The following SLC71A1 variants were observed in gnomAD, a reference collection of about 807,000 sequenced individuals.
SLC71A1 encodes hippocampus abundant gene transcript 1.
At chr1:100,038,195 G>A in the SLC71A1 span, 1 of 1,524,556 alleles carries the variant, frequency 6.6e-7, no homozygotes, top group Non-Finnish European at 8.9e-7. Flanking sequence ...GCCGCCCCGG[G>A]AGTGGCTGCA....
At chr1:100,045,488 C>A in the SLC71A1 span, among the ~76,000 whole-genome samples, 2 of 151,960 alleles carry the variant, frequency 1.3e-5, no homozygotes, top group Non-Finnish European at 2.9e-5. Flanking sequence ...GCTCGTTATT[C>A]CTTTCTCTTG....
chr1:100,082,340 C>A, the SLC71A1 span: 1 of 693,824 alleles, frequency 1.4e-6, no homozygotes, highest in Non-Finnish European at 2.4e-6. Context: ...GCATGAACTC[C>A]GTGGGAACTA....
the SLC71A1 span, among the ~76,000 whole-genome samples, chr1:100,075,934 C>A: frequency 2.4e-4 from 37 of 152,232 alleles, 1 homozygote; most frequent in South Asian, 4.1e-4. Flanking sequence ...CATCTCAGTT[C>A]CCCAAAGTGC....
the SLC71A1 span, chr1:100,067,961 C>T: frequency 6.2e-7 from 1 of 1,608,552 alleles, no homozygotes; most frequent in Non-Finnish European, 8.5e-7. Flanking sequence ...CTCTGTCTAT[C>T]CTTAATTTAT....
chr1:100,050,044 T>C, the SLC71A1 span: 1 of 1,043,056 alleles, frequency 9.6e-7, no homozygotes, highest in Non-Finnish European at 1.5e-6. Flanking sequence ...GACTCCAAAA[T>C]CTCTTCTTCT....
the SLC71A1 span, chr1:100,058,637 T>A: frequency 1.7e-6 from 2 of 1,189,082 alleles, no homozygotes; most frequent in Admixed American, 3.6e-5. Context: ...ATATAGCATG[T>A]GATTTTTATT....
chr1:100,043,830 A>C, the SLC71A1 span, among the ~76,000 whole-genome samples: 2 of 152,218 alleles, frequency 1.3e-5, no homozygotes, highest in African/African-American at 4.8e-5. Context: ...TTCCTGAATT[A>C]CTCACTTAGA....
chr1:100,055,514 C>T, the SLC71A1 span, among the ~76,000 whole-genome samples: 1 of 151,898 alleles, frequency 6.6e-6, no homozygotes, highest in Admixed American at 6.6e-5. Flanking sequence ...TCTCAAAGAC[C>T]TCCCAGTAAT....
chr1:100,047,718 G>A, the SLC71A1 span, among the ~76,000 whole-genome samples: 4 of 152,126 alleles, frequency 2.6e-5, no homozygotes, highest in East Asian at 1.9e-4. Context: ...CACTGCGCCC[G>A]GCCGATGAAT....
the SLC71A1 span, among the ~76,000 whole-genome samples, chr1:100,081,693 TC>T: frequency 6.6e-6 from 1 of 152,170 alleles, no homozygotes. Flanking sequence ...ATTTTTGAGA[TC>T]TTTCTATAAA....
chr1:100,061,257 A>G, the SLC71A1 span, among the ~76,000 whole-genome samples: 3 of 152,328 alleles, frequency 2.0e-5, no homozygotes, highest in South Asian at 4.1e-4. Flanking sequence ...CTCTTTAAAT[A>G]TTTTGTTCAC....
chr1:100,038,644 C>A, the SLC71A1 span, among the ~76,000 whole-genome samples: 1 of 152,040 alleles, frequency 6.6e-6, no homozygotes, highest in Non-Finnish European at 1.5e-5. Context: ...CCCGGCGGCC[C>A]GCCCGCCGCG....
the SLC71A1 span, chr1:100,068,414 G>A: frequency 8.4e-7 from 1 of 1,192,010 alleles, no homozygotes; most frequent in East Asian, 2.3e-5. Context: ...GTATTCTTAA[G>A]AATAGTTCAG....
the SLC71A1 span, chr1:100,050,104 C>T: frequency 2.9e-6 from 2 of 680,950 alleles, no homozygotes; most frequent in Non-Finnish European, 5.2e-6. Context: ...GGTTAATTCT[C>T]CCACCAGTAT....
the SLC71A1 span, among the ~76,000 whole-genome samples, chr1:100,081,744 T>C: frequency 6.6e-6 from 1 of 152,234 alleles, no homozygotes; most frequent in Admixed American, 6.5e-5. Flanking sequence ...ATAGAATAGC[T>C]GTGTTCACAT....
the SLC71A1 span, chr1:100,081,855 A>G: frequency 1.5e-6 from 1 of 656,082 alleles, no homozygotes; most frequent in Non-Finnish European, 2.6e-6. Context: ...CTTTTCTCCT[A>G]AAAAGGGAAT....
the SLC71A1 span, among the ~76,000 whole-genome samples, chr1:100,065,709 C>G: frequency 7.6e-6 from 1 of 131,314 alleles, no homozygotes; most frequent in African/African-American, 3.4e-5. Flanking sequence ...TTTCCCTAAG[C>G]CTTTTCCCTT....
At chr1:100,039,701 A>AT in the SLC71A1 span, among the ~76,000 whole-genome samples, 2 of 152,238 alleles carry the variant, frequency 1.3e-5, no homozygotes, top group Admixed American at 1.3e-4. Context: ...AAGAGACAAT[A>AT]TTTTACATTC....
At chr1:100,046,211 C>CGT in the SLC71A1 span, among the ~76,000 whole-genome samples, 1 of 69,510 alleles carries the variant, frequency 1.4e-5, no homozygotes, top group East Asian at 8.0e-4. Context: ...CTCCAAGCCT[C>CGT]GTTTTTTTTT....
Sources: gnomAD v4.1 joint callset for allele counts (sites outside exome capture counted in the v4.1 genomes callset) on GRCh38, gnomAD v4.1.1 for gene constraint, MANE v1.5 for transcripts, NCBI Gene and HGNC (gene_info 2026-07-23, HGNC 2026-07-21) for gene names.